RAP1GDS1: variants seen among roughly 807,000 people sequenced by gnomAD.
The protein encoded by RAP1GDS1 is Rap1 GTPase-GDP dissociation stimulator 1.
A neutral mutation model predicts 71.1 loss-of-function variants in RAP1GDS1; 35 were observed. The observed-to-expected ratio is 0.49, with a 90% confidence interval of 0.38 to 0.65. RAP1GDS1 has a LOEUF of 0.65. Among genes scored for constraint, RAP1GDS1 ranks in the 30% least tolerant of loss-of-function variants. The probability of loss-of-function intolerance (pLI) is 0.00; values close to 1 mark genes in which losing one functional copy is unlikely to be tolerated. For missense variants in RAP1GDS1, 663 were observed against 706.1 expected, an observed-to-expected ratio of 0.94 and a Z score of 0.69; for synonymous variants, 229 against 243.1, an observed-to-expected ratio of 0.94 and a Z score of 0.54.
At chr4:98,318,023 A>C (rs1050433083) in intron 2 of RAP1GDS1, among the ~76,000 whole-genome samples, 1 of 151,828 alleles carries the variant, frequency 6.6e-6, no homozygotes, top group African/African-American at 2.4e-5. Context: ...TTGTATTTTT[A>C]GTAGAGACGG....
Position 98,363,478 on chromosome 4 carries a change from C to CAAAAAAAAAAA in RAP1GDS1, c.361+10894_361+10904dup, listed in dbSNP as rs34393905. Reference sequence around the variant, plus strand: ...CCTAAATAACAGTGAGACCCTGTCTCAAAAAAAAAAAAAAAAAAAAAAAAA... The same window carrying CAAAAAAAAAAA: ...CCTAAATAACAGTGAGACCCTGTCTCAAAAAAAAAAAAAAAAAAAAAAAAAAAAAAAAAAAA... On this transcript the variant is annotated intron_variant, in intron 4 of 14. Transcript: ENST00000408927. Among the ~76,000 whole-genome samples the CAAAAAAAAAAA allele has an allele frequency of 2.4e-3, 90 of 37,730 alleles. 10 individuals are homozygous for CAAAAAAAAAAA. Among genetic ancestry groups the CAAAAAAAAAAA allele is most frequent in the South Asian group, 3.0e-3 (3 of 1,012 alleles). The allele number at this position is 37,730 out of a possible 152,430, so 24.8% of individuals were successfully genotyped here. A position where few individuals can be genotyped will look rare whatever the true frequency, so the allele number is the denominator to read the frequency against.
At chr4:98,271,326 T>G (rs1723425879) in intron 1 of RAP1GDS1, among the ~76,000 whole-genome samples, 1 of 152,326 alleles carries the variant, frequency 6.6e-6, no homozygotes, top group African/African-American at 2.4e-5. Context: ...TTTATAATTT[T>G]TAATAATGAT....
chr4:98,294,174 A>G (rs780489268), intron 2 of RAP1GDS1, among the ~76,000 whole-genome samples: 8 of 152,020 alleles, frequency 5.3e-5, no homozygotes, highest in Non-Finnish European at 1.2e-4. Context: ...ATAGATCAGT[A>G]TAGAGTGATT....
At chr4:98,417,288 G>T in intron 8 of RAP1GDS1, 79 bp from the exon 9 acceptor site, 1 of 1,402,614 alleles carries the variant, frequency 7.1e-7, no homozygotes, top group Non-Finnish European at 9.8e-7. Context: ...GTTTCCAGTT[G>T]GATATTCACC....
intron 1 of RAP1GDS1, among the ~76,000 whole-genome samples, chr4:98,285,442 T>G (rs1363809964): frequency 6.6e-6 from 1 of 152,162 alleles, no homozygotes; most frequent in Admixed American, 6.6e-5. Flanking sequence ...AAATGTCAAT[T>G]AGTACTTTTA....
chr4:98,284,824 C>T (rs1261116267), intron 1 of RAP1GDS1, among the ~76,000 whole-genome samples: 1 of 152,156 alleles, frequency 6.6e-6, no homozygotes, highest in Non-Finnish European at 1.5e-5. Flanking sequence ...GGTCCCAAGT[C>T]TCAGGTATCA....
intron 12 of RAP1GDS1, among the ~76,000 whole-genome samples, chr4:98,432,477 T>C (rs1444227087): frequency 6.6e-6 from 1 of 152,192 alleles, no homozygotes; most frequent in Admixed American, 6.6e-5. Flanking sequence ...GAAAAAGCTT[T>C]CTAAAACAGA....
rs137867988 is a variant in RAP1GDS1, at chr4:98,435,121, T to A, written c.1567+1059T>A. Among the ~76,000 whole-genome samples, 540 of 152,340 alleles carry A rather than the reference T, an allele frequency of 3.5e-3. 3 individuals are homozygous for A. Among genetic ancestry groups the A allele is most frequent in the African/African-American group, 0.012 (506 of 41,572 alleles). ...GAGGACTTTACACTTAGTAGGGATGTCCTATCCAATTCAAAGCCATTTGGG... is the reference window on the plus strand; with the variant it reads ...GAGGACTTTACACTTAGTAGGGATGACCTATCCAATTCAAAGCCATTTGGG... On this transcript the variant is annotated intron_variant, in intron 13 of 14. Coordinates refer to ENST00000408927, the MANE Select transcript of RAP1GDS1 (RefSeq NM_001100427.2).
rs1398532043 is a variant in RAP1GDS1, at chr4:98,303,635, A to AAT, written c.112+10124_112+10125dup. Reference sequence around the variant, plus strand: ...ATAATAAGTAAATTAATAATAATATAATATAATATAATATAATATAATATA... The same window carrying AAT: ...ATAATAAGTAAATTAATAATAATATAATATATAATATAATATAATATAATATA... On this transcript the variant is annotated intron_variant, in intron 2 of 14. Coordinates refer to ENST00000408927, the MANE Select transcript of RAP1GDS1 (RefSeq NM_001100427.2). 3.7e-4 allele frequency among the ~76,000 whole-genome samples: 54 copies of AAT among 145,764 alleles called. 1 individual carries two copies. The highest frequency in any genetic ancestry group is 3.6e-3 in the Middle Eastern group (1 of 278).
chr4:98,293,350 C>A, intron 1 of RAP1GDS1, 58 bp from the exon 2 acceptor site: 1 of 1,149,328 alleles, frequency 8.7e-7, no homozygotes, highest in Non-Finnish European at 1.3e-6. Context: ...ATCCTTTTGT[C>A]ATGTAACATA....
intron 14 of RAP1GDS1, 28 bp downstream of exon 14, chr4:98,437,096 C>T: frequency 1.3e-6 from 2 of 1,549,736 alleles, no homozygotes; most frequent in East Asian, 4.6e-5. Flanking sequence ...ATTTGATGTC[C>T]ATAAACATAT....
chr4:98,264,748 T>G (rs1722502557), intron 1 of RAP1GDS1, among the ~76,000 whole-genome samples: 1 of 152,202 alleles, frequency 6.6e-6, no homozygotes, highest in African/African-American at 2.4e-5. Context: ...TGGTGTTATT[T>G]GAACCAAAGG....
At chr4:98,419,616 C>T (rs1406689712) in intron 10 of RAP1GDS1, among the ~76,000 whole-genome samples, 1 of 152,110 alleles carries the variant, frequency 6.6e-6, no homozygotes, top group Non-Finnish European at 1.5e-5. Context: ...CATTTGAATT[C>T]ATTTGGTTTA....
chr4:98,390,724 A>G (rs1202225690), intron 5 of RAP1GDS1, among the ~76,000 whole-genome samples: 2 of 152,122 alleles, frequency 1.3e-5, no homozygotes, highest in Non-Finnish European at 2.9e-5. Context: ...TTCCTTATCT[A>G]TAGATTAAGA....
At chr4:98,354,278 G>A in intron 4 of RAP1GDS1, among the ~76,000 whole-genome samples, 1 of 151,700 alleles carries the variant, frequency 6.6e-6, no homozygotes, top group Non-Finnish European at 1.5e-5. Flanking sequence ...TAGCCAGGAT[G>A]GTCTCGATCT....
intron 14 of RAP1GDS1, among the ~76,000 whole-genome samples, chr4:98,438,188 T>G (rs1447787780): frequency 6.6e-6 from 1 of 152,096 alleles, no homozygotes; most frequent in Non-Finnish European, 1.5e-5. Context: ...TCTGGTATTT[T>G]TCTTTGCTCT....
chr4:98,321,304 C>T (rs1447712665), intron 2 of RAP1GDS1, among the ~76,000 whole-genome samples: 2 of 149,230 alleles, frequency 1.3e-5, no homozygotes, highest in African/African-American at 2.5e-5. Context: ...ATTGGTGTAC[C>T]TGAAAGTGAG....
chr4:98,409,328 A>T (rs1746657793), intron 7 of RAP1GDS1: 1 of 152,646 alleles, frequency 6.6e-6, no homozygotes, highest in African/African-American at 2.4e-5. Flanking sequence ...TCTGATATGT[A>T]TTCTGTAGGC....
chr4:98,347,979 A>G (rs1164725868), intron 3 of RAP1GDS1, among the ~76,000 whole-genome samples: 2 of 151,956 alleles, frequency 1.3e-5, no homozygotes, highest in African/African-American at 4.8e-5. Flanking sequence ...TTTTATTATT[A>G]TTATTCTTTA....
Sources: allele counts gnomAD v4.1 joint callset (sites outside exome capture counted in the v4.1 genomes callset), GRCh38; gene constraint gnomAD v4.1.1; transcripts MANE v1.5; gene names NCBI Gene and HGNC (gene_info 2026-07-23, HGNC 2026-07-21).